Variants in AGAP1 observed in about 807,000 individuals in gnomAD.
AGAP1 encodes arf-GAP with GTPase, ANK repeat and PH domain-containing protein 1.
AGAP1 carries 29 observed loss-of-function variants against 105.3 expected under a neutral mutation model. The ratio of observed to expected loss-of-function variants is 0.28; its 90% CI spans 0.21 to 0.38. AGAP1 has a LOEUF of 0.38. Among genes scored for constraint, AGAP1 ranks in the 10% least tolerant of loss-of-function variants. The pLI, the probability that AGAP1 is intolerant of heterozygous loss-of-function variation, is 1.00. For missense variants in AGAP1, 998 were observed against 1,165.1 expected (o/e 0.86, Z 2.09); for synonymous variants, 509 against 485.9 (o/e 1.05, Z -0.63).
chr2:235,755,830 A>T (rs941547776), intron 6 of AGAP1, among the ~76,000 whole-genome samples: 4 of 152,186 alleles, frequency 2.6e-5, no homozygotes, highest in Admixed American at 6.5e-5. Flanking sequence ...GGACAGACAG[A>T]GTGTGTGTCT....
chr2:235,935,238 G>T (rs565827087), intron 12 of AGAP1, among the ~76,000 whole-genome samples: 8 of 152,238 alleles, frequency 5.3e-5, no homozygotes, highest in African/African-American at 1.9e-4. Context: ...CAGACAGCTC[G>T]GTTGAGGGTT....
Position 236,095,226 on chromosome 2 carries a change from G to A in AGAP1, c.2115-24966G>A, listed in dbSNP as rs756605114. On this transcript the variant is annotated intron_variant, in intron 16 of 17. Transcript: ENST00000304032. This position sits in a 1 kb window ranked among gnomAD's most constrained non-coding sequence, Gnocchi z 4.1. The stretch of plus-strand genomic sequence containing the variant: ...AGCCTGGGAACTGTGGTGAAACCCC[G>A]TCTCTACAAAAAAGTTAAAAATTAG... Among the ~76,000 whole-genome samples the A allele has an allele frequency of 2.0e-5, 3 of 151,482 alleles. No individual in the cohort carries two copies. The highest frequency in any genetic ancestry group is 2.0e-4 in the East Asian group (1 of 5,116).
intron 13 of AGAP1, among the ~76,000 whole-genome samples, chr2:236,006,887 TG>T (rs1314072654): frequency 6.6e-6 from 1 of 152,210 alleles, no homozygotes. Context: ...TGAATGAAGT[TG>T]ATGTATTTAA....
At chr2:236,069,305 A>G (rs2058436020) in intron 16 of AGAP1, among the ~76,000 whole-genome samples, 1 of 152,216 alleles carries the variant, frequency 6.6e-6, no homozygotes, top group Admixed American at 6.5e-5. Context: ...ATAATTGAAT[A>G]TATATCATAA....
intron 1 of AGAP1, among the ~76,000 whole-genome samples, chr2:235,511,563 C>A (rs138466347): frequency 6.6e-6 from 1 of 152,192 alleles, no homozygotes; most frequent in Non-Finnish European, 1.5e-5. Context: ...GAGCTCAGGG[C>A]AGTTCCTAAC....
At chr2:235,990,320 C>G (rs2125450314) in intron 13 of AGAP1, among the ~76,000 whole-genome samples, 1 of 152,326 alleles carries the variant, frequency 6.6e-6, no homozygotes, top group East Asian at 1.9e-4. Flanking sequence ...GCAGAGTTCC[C>G]TGCAAAGACG....
intron 16 of AGAP1, among the ~76,000 whole-genome samples, chr2:236,054,901 C>T (rs1484739953): frequency 6.6e-6 from 1 of 152,174 alleles, no homozygotes; most frequent in Non-Finnish European, 1.5e-5. Context: ...CCTCCCCCAG[C>T]CCCAGCCTTT....
chr2:235,952,201 A>G (rs557488687), intron 12 of AGAP1, among the ~76,000 whole-genome samples: 2 of 152,274 alleles, frequency 1.3e-5, no homozygotes, highest in Non-Finnish European at 2.9e-5. Flanking sequence ...GTTTTCAAGC[A>G]GAGGAAGTTA....
intron 6 of AGAP1, among the ~76,000 whole-genome samples, chr2:235,791,510 A>G (rs1956975478): frequency 6.6e-6 from 1 of 151,932 alleles, no homozygotes; most frequent in African/African-American, 2.4e-5. Context: ...GACGCACAGA[A>G]TCGTGATAAA....
At chr2:235,498,113 T>G (rs13433022) in intron 1 of AGAP1, among the ~76,000 whole-genome samples, 1,778 of 152,258 alleles carry the variant, frequency 0.012, 31 homozygotes, top group African/African-American at 0.041. Flanking sequence ...TTGTAAAATC[T>G]CTTAACGATG....
rs1262955258 is a variant in AGAP1 at position 236,005,285 on chromosome 2, A to G, written c.1646-31276A>G. Among the ~76,000 whole-genome samples the G allele has an allele frequency of 6.6e-6, 1 of 152,062 alleles. No individual in the cohort carries two copies. Among genetic ancestry groups the G allele is most frequent in the Non-Finnish European group, 1.5e-5 (1 of 68,024 alleles). ...CTCAGCCTCCCAAATAGCTGGGACT[A>G]CAGGAGTGTGCCACCGGCTAATTTT... is the stretch of plus-strand genomic sequence containing the variant. On this transcript the variant is annotated intron_variant, in intron 13 of 17. Coordinates refer to ENST00000304032, the MANE Select transcript of AGAP1 (RefSeq NM_001037131.3). The surrounding 1 kb of genome is among the most constrained non-coding windows in gnomAD (Gnocchi z 4.1).
rs564719460 is a variant in AGAP1, at chr2:235,793,545, A to G, written c.674-4214A>G. Among the ~76,000 whole-genome samples, 1 of 152,236 alleles carries G rather than the reference A, an allele frequency of 6.6e-6. No individual in the cohort carries two copies. The highest frequency in any genetic ancestry group is 1.9e-4 in the East Asian group (1 of 5,148). Reference sequence around the variant, plus strand: ...CAGAGCCGTCGGATTGCTCTGGTGCACTTGCTGCCTGGTTTTTCTCACCTG... The same window carrying G: ...CAGAGCCGTCGGATTGCTCTGGTGCGCTTGCTGCCTGGTTTTTCTCACCTG... On this transcript the variant is annotated intron_variant, in intron 6 of 17. Transcript: ENST00000304032. This position sits in a 1 kb window ranked among gnomAD's most constrained non-coding sequence, Gnocchi z 5.3.
chr2:235,534,132 T>C (rs767991790), intron 1 of AGAP1, among the ~76,000 whole-genome samples: 15 of 152,200 alleles, frequency 9.9e-5, no homozygotes, highest in Non-Finnish European at 1.5e-4. Flanking sequence ...CCCTTCTGTC[T>C]CTGAGAAGCA....
At chr2:235,808,558 A>T (rs1019454894) in intron 9 of AGAP1, among the ~76,000 whole-genome samples, 2 of 152,126 alleles carry the variant, frequency 1.3e-5, no homozygotes, top group Non-Finnish European at 2.9e-5. Flanking sequence ...GAGTTTCCCA[A>T]GGAGCCCAGG....
intron 1 of AGAP1, among the ~76,000 whole-genome samples, chr2:235,511,940 G>A (rs1163282477): frequency 6.6e-6 from 1 of 151,626 alleles, no homozygotes; most frequent in Non-Finnish European, 1.5e-5. Context: ...GAATGTGTAT[G>A]TGTGGGTGTG....
At chr2:235,649,401 TCTCA>T (rs1297746323) in intron 1 of AGAP1, among the ~76,000 whole-genome samples, 1 of 152,202 alleles carries the variant, frequency 6.6e-6, no homozygotes, top group Non-Finnish European at 1.5e-5. Flanking sequence ...AAAGACAGAT[TCTCA>T]CTCTACTGCT....
In AGAP1 at chr2:236,127,924, T is replaced by G. The variant is rs1244636764; in HGVS notation, c.*3802T>G. On this transcript the variant is annotated 3_prime_UTR_variant, in exon 18 of 18. Transcript: ENST00000304032. The surrounding 1 kb of genome is among the most constrained non-coding windows in gnomAD (Gnocchi z 6.6). ...GTGTGATAAGTGTTGGCCTCACACCTGGCCCAGGGGATGCTGGGAGAACAG... is the reference window on the plus strand; with the variant it reads ...GTGTGATAAGTGTTGGCCTCACACCGGGCCCAGGGGATGCTGGGAGAACAG... The G allele has an allele frequency of 6.6e-6, 1 of 152,332 alleles. No individual in the cohort carries two copies. The highest frequency in any genetic ancestry group is 2.4e-5 in the African/African-American group (1 of 41,456). The allele number at this position is 152,332 out of a possible 1,614,324, so 9.4% of individuals were successfully genotyped here.
chr2:235,748,708 T>C (rs1201182146), intron 5 of AGAP1, among the ~76,000 whole-genome samples: 1 of 152,186 alleles, frequency 6.6e-6, no homozygotes, highest in African/African-American at 2.4e-5. Flanking sequence ...ACATCACTTT[T>C]TAAATATACT....
At chr2:235,647,617 A>G (rs1947435123) in intron 1 of AGAP1, among the ~76,000 whole-genome samples, 1 of 152,060 alleles carries the variant, frequency 6.6e-6, no homozygotes, top group Non-Finnish European at 1.5e-5. Context: ...TGAACTCCTG[A>G]ACTCAAATGA....
Sources: gnomAD v4.1 joint callset for allele counts (sites outside exome capture counted in the v4.1 genomes callset) on GRCh38, gnomAD v4.1.1 for gene constraint, Gnocchi (gnomAD v3.1) non-coding constraint, MANE v1.5 for transcripts, NCBI Gene and HGNC (gene_info 2026-07-23, HGNC 2026-07-21) for gene names.